Variants in DYNC1I1 observed in about 807,000 individuals in gnomAD.
DYNC1I1 encodes the protein dynein cytoplasmic 1 intermediate chain 1.
In DYNC1I1, 43 loss-of-function variants were observed where a neutral mutation model predicts 86.6. The observed-to-expected ratio is 0.50, with a 90% confidence interval of 0.39 to 0.64. The LOEUF (loss-of-function observed/expected upper bound fraction) is 0.64. Ranked by LOEUF, DYNC1I1 falls within the 30% of genes least tolerant of loss-of-function variation. The pLI is 0.00. For synonymous variants in DYNC1I1, 262 were observed against 283.7 expected (o/e 0.92, Z 0.77); for missense variants, 604 against 788.8 (o/e 0.77, Z 2.81).
intron 6 of DYNC1I1, among the ~76,000 whole-genome samples, chr7:95,969,838 T>C (rs879513244): frequency 9.9e-5 from 15 of 152,160 alleles, no homozygotes; most frequent in Non-Finnish European, 4.4e-5. Context: ...AGGAGTGCTC[T>C]GTACGATGAG....
intron 6 of DYNC1I1, among the ~76,000 whole-genome samples, chr7:95,917,259 G>T (rs1791494911): frequency 6.6e-6 from 1 of 152,146 alleles, no homozygotes; most frequent in Non-Finnish European, 1.5e-5. Context: ...GCGAGAAGCG[G>T]GTGGGAGGGG....
intron 1 of DYNC1I1, among the ~76,000 whole-genome samples, chr7:95,783,451 A>T (rs1052113837): frequency 2.0e-4 from 30 of 152,210 alleles, no homozygotes; most frequent in African/African-American, 6.5e-4. Context: ...CGTAGGGGCC[A>T]ATGTCTAATA....
chr7:95,810,269 A>G (rs1794797588), intron 2 of DYNC1I1, 123 bp from the exon 3 acceptor site: 1 of 615,352 alleles, frequency 1.6e-6, no homozygotes, highest in Admixed American at 3.4e-5. Context: ...TATACATGTG[A>G]TTATATCTAT....
In DYNC1I1 at chr7:95,773,865, A is replaced by G. The variant is rs139843865; in HGVS notation, c.-10+1092A>G. 3.4e-3 allele frequency among the ~76,000 whole-genome samples: 518 copies of G among 152,330 alleles called. 2 individuals carry two copies. Among genetic ancestry groups the G allele is most frequent in the African/African-American group, 0.012 (485 of 41,576 alleles). Reference sequence around the variant, plus strand: ...TCTGTGTACATACTTTAATTGTGGAAATTATAGAGATATACGTTGATCAGT... The same window carrying G: ...TCTGTGTACATACTTTAATTGTGGAGATTATAGAGATATACGTTGATCAGT... On this transcript the variant is annotated intron_variant, in intron 1 of 16. Coordinates refer to ENST00000447467, the MANE Select transcript of DYNC1I1 (RefSeq NM_001135556.2).
chr7:95,925,916 C>T (rs1791732687), intron 6 of DYNC1I1, among the ~76,000 whole-genome samples: 1 of 152,054 alleles, frequency 6.6e-6, no homozygotes, highest in Admixed American at 6.6e-5. Context: ...AAGGAGAGTA[C>T]AAACTTCTAA....
chr7:95,833,151 G>A (rs1162280965), intron 5 of DYNC1I1, among the ~76,000 whole-genome samples: 1 of 144,486 alleles, frequency 6.9e-6, no homozygotes, highest in Non-Finnish European at 1.5e-5. Context: ...TTTGTATAAG[G>A]TGTAAGGAAG....
At chr7:95,885,736 C>G (rs920588507) in intron 6 of DYNC1I1, among the ~76,000 whole-genome samples, 1 of 152,204 alleles carries the variant, frequency 6.6e-6, no homozygotes, top group Non-Finnish European at 1.5e-5. Flanking sequence ...GTCCTCCTGC[C>G]TTAGCCTCCC....
chr7:96,001,426 A>T (rs895449075), intron 10 of DYNC1I1, among the ~76,000 whole-genome samples: 4 of 152,204 alleles, frequency 2.6e-5, no homozygotes, highest in African/African-American at 9.6e-5. Flanking sequence ...GATAATAGAA[A>T]CAATATAGTT....
intron 14 of DYNC1I1, among the ~76,000 whole-genome samples, chr7:96,051,005 A>T (rs957153564): frequency 1.3e-5 from 2 of 152,132 alleles, no homozygotes; most frequent in African/African-American, 4.8e-5. Context: ...GCTGGAGCTG[A>T]TGCTCAGAAA....
rs1010662353 is a variant in DYNC1I1, at chr7:95,921,539, A to G, written c.490+51541A>G. On this transcript the variant is annotated intron_variant, in intron 6 of 16. Transcript: ENST00000447467. ...CTTTTCTGCCTACAGAAAGAAACAC[A>G]TGGTCTGGGCTTCATCATCAAAACT... Among the ~76,000 whole-genome samples the G allele has an allele frequency of 2.6e-5, 4 of 152,158 alleles. No homozygotes were observed. The East Asian group carries it at 5.8e-4, about 22-fold the overall frequency.
At position 95,954,205 on chromosome 7, in the gene DYNC1I1, C is replaced by T. The variant is rs1232317745; in HGVS notation, c.491-23307C>T. Among the ~76,000 whole-genome samples the T allele has an allele frequency of 2.0e-5, 3 of 151,112 alleles. No individual in the cohort carries two copies. In the South Asian group the frequency reaches 6.3e-4, roughly 32 times the overall value. On this transcript the variant is annotated intron_variant, in intron 6 of 16. Transcript: ENST00000447467. The stretch of plus-strand genomic sequence containing the variant: ...CCGTGTTTTAATACTTCCCATGTCA[C>T]CTGGTTTTAAAAATTGGTTATTTAA...
chr7:95,775,397 C>T (rs1259623144), intron 1 of DYNC1I1, among the ~76,000 whole-genome samples: 2 of 152,154 alleles, frequency 1.3e-5, no homozygotes, highest in Non-Finnish European at 2.9e-5. Context: ...AAATGACATA[C>T]TCAACATCAT....
At chr7:95,943,111 T>A (rs763908392) in intron 6 of DYNC1I1, among the ~76,000 whole-genome samples, 123 of 143,806 alleles carry the variant, frequency 8.6e-4, no homozygotes, top group African/African-American at 3.1e-3. Flanking sequence ...CATGATTGTA[T>A]ATCTAGAAAA....
intron 10 of DYNC1I1, among the ~76,000 whole-genome samples, chr7:96,001,925 T>C (rs1204838673): frequency 6.6e-6 from 1 of 152,210 alleles, no homozygotes; most frequent in Non-Finnish European, 1.5e-5. Flanking sequence ...GTATTCTCTT[T>C]ACATCTGTTT....
chr7:96,092,084 C>G (rs920924538), intron 16 of DYNC1I1, among the ~76,000 whole-genome samples: 4 of 151,924 alleles, frequency 2.6e-5, no homozygotes, highest in African/African-American at 9.7e-5. Context: ...TCCCTGTCCC[C>G]CGTTCATGAA....
At chr7:95,908,496 C>G (rs1056647062) in intron 6 of DYNC1I1, among the ~76,000 whole-genome samples, 4 of 152,128 alleles carry the variant, frequency 2.6e-5, no homozygotes, top group African/African-American at 7.2e-5. Context: ...AAGTGAATGA[C>G]TCATGATGCT....
intron 6 of DYNC1I1, among the ~76,000 whole-genome samples, chr7:95,948,094 A>G (rs1429009307): frequency 6.6e-6 from 1 of 151,842 alleles, no homozygotes; most frequent in Non-Finnish European, 1.5e-5. Context: ...GCGAGTAAGA[A>G]TTTAGCAGAG....
chr7:95,777,370 T>C (rs1444417740), intron 1 of DYNC1I1, among the ~76,000 whole-genome samples: 1 of 152,176 alleles, frequency 6.6e-6, no homozygotes, highest in African/African-American at 2.4e-5. Context: ...ATCAAAACTT[T>C]ATTCACTGCA....
chr7:95,782,668 C>G (rs995100273), intron 1 of DYNC1I1, among the ~76,000 whole-genome samples: 2 of 152,186 alleles, frequency 1.3e-5, no homozygotes, highest in Non-Finnish European at 2.9e-5. Flanking sequence ...AAGGTGACAG[C>G]CTTTTAACCC....
Sources: gnomAD v4.1 joint callset for allele counts (sites outside exome capture counted in the v4.1 genomes callset) on GRCh38, gnomAD v4.1.1 for gene constraint, MANE v1.5 for transcripts, NCBI Gene and HGNC (gene_info 2026-07-23, HGNC 2026-07-21) for gene names.